EVC: variants seen among roughly 807,000 people sequenced by gnomAD.
EVC encodes EvC ciliary complex subunit 1, also known as evC complex member EVC.
Under a neutral mutation model 118.9 loss-of-function variants are expected in EVC, and 116 were observed. The ratio of observed to expected loss-of-function variants is 0.98; its 90% CI spans 0.84 to 1.14. The LOEUF is 1.14. Ranked by LOEUF, EVC falls within the 50% of genes most tolerant of loss-of-function variation. The probability of loss-of-function intolerance (pLI) is 0.00; values close to 1 mark genes in which losing one functional copy is unlikely to be tolerated. For missense variants in EVC, 1,401 were observed against 1,246.4 expected (o/e 1.12, Z -1.87); for synonymous variants, 619 against 534.7 (o/e 1.16, Z -2.18).
intron 11 of EVC, among the ~76,000 whole-genome samples, chr4:5,758,488 T>C (rs1577462725): frequency 1.3e-5 from 2 of 152,176 alleles, no homozygotes; most frequent in East Asian, 3.9e-4. Flanking sequence ...GAAGAAGTGT[T>C]TTCTCCAGAA....
At chr4:5,760,456 T>C (rs1218381647) in intron 11 of EVC, among the ~76,000 whole-genome samples, 1 of 152,038 alleles carries the variant, frequency 6.6e-6, no homozygotes, top group Non-Finnish European at 1.5e-5. Flanking sequence ...GTCTCTCTCC[T>C]AGGAGGAGGT....
At chr4:5,788,954 G>A (rs903834768) in intron 12 of EVC, among the ~76,000 whole-genome samples, 1 of 152,200 alleles carries the variant, frequency 6.6e-6, no homozygotes, top group Non-Finnish European at 1.5e-5. Flanking sequence ...GCCCAAGTCA[G>A]TTCTTCCAGT....
chr4:5,797,450 G>A (rs1169423100), intron 14 of EVC: 8 of 607,182 alleles, frequency 1.3e-5, no homozygotes, highest in Non-Finnish European at 2.4e-5. Flanking sequence ...AGAATTCGGA[G>A]ATCAGGGTGT....
At chr4:5,748,526 A>ATCCATCTACGTG (rs1420434096) in intron 8 of EVC, among the ~76,000 whole-genome samples, 6 of 150,244 alleles carry the variant, frequency 4.0e-5, no homozygotes, top group South Asian at 2.1e-4. Flanking sequence ...CCATCCATCC[A>ATCCATCTACGTG]TCCATCTACC....
At chr4:5,748,559 CCCAT>C (rs1378940124) in intron 8 of EVC, among the ~76,000 whole-genome samples, 1 of 66,970 alleles carries the variant, frequency 1.5e-5, no homozygotes, top group East Asian at 6.0e-4. Flanking sequence ...TGCCCTCCCA[CCCAT>C]TTATCCATCC....
At chr4:5,727,496 G>C (rs1333371773) in intron 2 of EVC, among the ~76,000 whole-genome samples, 2 of 152,066 alleles carry the variant, frequency 1.3e-5, no homozygotes, top group Admixed American at 6.6e-5. Flanking sequence ...GAGTAGGTTG[G>C]GAAAATGTTC....
At chr4:5,781,595 G>A (rs1735605148) in intron 11 of EVC, among the ~76,000 whole-genome samples, 1 of 152,158 alleles carries the variant, frequency 6.6e-6, no homozygotes, top group Non-Finnish European at 1.5e-5. Context: ...CCAGCACTTT[G>A]GGAGGTCAAG....
intron 13 of EVC, among the ~76,000 whole-genome samples, chr4:5,796,806 C>A (rs2152339304): frequency 6.6e-6 from 1 of 151,726 alleles, no homozygotes; most frequent in Middle Eastern, 3.4e-3. Context: ...GACAGCCAGG[C>A]AGGATGTGAT....
intron 12 of EVC, among the ~76,000 whole-genome samples, chr4:5,790,752 CTG>C (rs1478537607): frequency 1.3e-5 from 2 of 152,132 alleles, no homozygotes; most frequent in African/African-American, 2.4e-5. Flanking sequence ...AAACAAGACA[CTG>C]TGAAACAAAA....
At position 5,726,568 on chromosome 4, in the gene EVC, C is replaced by CTTTTTTTT. The variant is rs34483285; in HGVS notation, c.301-2731_301-2724dup. The stretch of plus-strand genomic sequence containing the variant: ...CCCACTGATGAGTTTCTTCTCTTTT[C>CTTTTTTTT]TTTTTTTTTTTTTTTATTATACTTT... On this transcript the variant is annotated intron_variant, in intron 2 of 20. Coordinates refer to ENST00000264956, the MANE Select transcript of EVC (RefSeq NM_153717.3). Among the ~76,000 whole-genome samples the CTTTTTTTT allele has an allele frequency of 2.5e-4, 34 of 134,268 alleles. 4 individuals carry two copies. Among genetic ancestry groups the CTTTTTTTT allele is most frequent in the East Asian group, 6.6e-4 (3 of 4,532 alleles). 88.1% of individuals were successfully genotyped at this position (134,268 alleles called of 152,430 possible).
At chr4:5,716,192 A>G (rs1415746147) in intron 1 of EVC, among the ~76,000 whole-genome samples, 1 of 152,244 alleles carries the variant, frequency 6.6e-6, no homozygotes, top group Non-Finnish European at 1.5e-5. Flanking sequence ...GCTCATGCTC[A>G]AATCCTGACT....
At chr4:5,820,719 G>A in the EVC span, 1 of 152,142 alleles carries the variant, frequency 6.6e-6, no homozygotes, top group Admixed American at 6.6e-5. Context: ...ATCACGCGGG[G>A]GGACTGCCAA....
chr4:5,762,687 G>A (rs1189248128), intron 11 of EVC, among the ~76,000 whole-genome samples: 1 of 146,044 alleles, frequency 6.8e-6, no homozygotes, highest in Non-Finnish European at 1.5e-5. Context: ...TTTTTTGGCT[G>A]CATAAATGTC....
chr4:5,791,815 A>T (rs1431843757), intron 12 of EVC, among the ~76,000 whole-genome samples: 1 of 152,022 alleles, frequency 6.6e-6, no homozygotes, highest in African/African-American at 2.4e-5. Flanking sequence ...CAACGTGAAC[A>T]CTGTCCAACT....
chr4:5,724,550 G>A (rs545222500), intron 2 of EVC, among the ~76,000 whole-genome samples: 17 of 152,294 alleles, frequency 1.1e-4, no homozygotes, highest in Admixed American at 9.8e-4. Context: ...TTCAGATCCC[G>A]GTTCTAGTGA....
chr4:5,815,201 C>G (rs996831445), downstream of EVC, among the ~76,000 whole-genome samples: 2 of 151,974 alleles, frequency 1.3e-5, no homozygotes, highest in African/African-American at 4.8e-5. Context: ...TGGCTAAGCC[C>G]ACTCCCGGGT....
chr4:5,812,629 C>T lies in EVC; in HGVS notation c.*1592C>T, dbSNP rs193184679. 91 of 175,216 alleles carry T rather than the reference C, an allele frequency of 5.2e-4. No individual in the cohort carries two copies. The highest frequency in any genetic ancestry group is 2.6e-3 in the Middle Eastern group (1 of 390). 10.9% of individuals were successfully genotyped at this position (175,216 alleles called of 1,614,324 possible). A position where few individuals can be genotyped will look rare whatever the true frequency, so the allele number is the denominator to read the frequency against. On this transcript the variant is annotated 3_prime_UTR_variant, in exon 21 of 21. Transcript: ENST00000264956. Reference sequence around the variant, plus strand: ...CCCCTCTCACCACAGCCAGGAGAGGCCGTTCCCACCTGGAGGGAAAATTGC... The same window carrying T: ...CCCCTCTCACCACAGCCAGGAGAGGTCGTTCCCACCTGGAGGGAAAATTGC...
intron 7 of EVC, among the ~76,000 whole-genome samples, chr4:5,745,695 A>G (rs1729264418): frequency 6.6e-6 from 1 of 152,206 alleles, no homozygotes; most frequent in South Asian, 2.1e-4. Context: ...GCAAGTTTTA[A>G]ATTCCAGACA....
At chr4:5,780,701 G>T (rs991371637) in intron 11 of EVC, among the ~76,000 whole-genome samples, 1 of 152,208 alleles carries the variant, frequency 6.6e-6, no homozygotes, top group Non-Finnish European at 1.5e-5. Flanking sequence ...AGGTTGGTGG[G>T]TGCTGGAAGG....
Sources: gnomAD v4.1 joint callset for allele counts (sites outside exome capture counted in the v4.1 genomes callset) on GRCh38, gnomAD v4.1.1 for gene constraint, MANE v1.5 for transcripts, NCBI Gene and HGNC (gene_info 2026-07-23, HGNC 2026-07-21) for gene names.